Variants in CCDC93 observed in about 807,000 individuals in gnomAD.
CCDC93 encodes the protein CCC complex scaffolding subunit CCDC93, also known as coiled-coil domain-containing protein 93.
A neutral mutation model predicts 108.2 loss-of-function variants in CCDC93; 61 were observed. That is an observed-to-expected ratio of 0.56 (90% CI 0.46 to 0.70). CCDC93 has a LOEUF of 0.70. CCDC93 is among the 30% of genes least tolerant of loss of function. The pLI is 0.00. For synonymous variants in CCDC93, 276 were observed against 260.4 expected (o/e 1.06, Z -0.58); for missense variants, 685 against 764.2 (o/e 0.90, Z 1.22).
intron 23 of CCDC93, among the ~76,000 whole-genome samples, chr2:117,929,597 A>G (rs757410141): frequency 3.3e-5 from 5 of 152,244 alleles, no homozygotes; most frequent in Non-Finnish European, 7.3e-5. Context: ...TACACTGTCA[A>G]AAGGGTGTCT....
intron 22 of CCDC93, 70 bp downstream of exon 22, chr2:117,935,425 T>C (rs1678490597): frequency 1.6e-6 from 2 of 1,214,872 alleles, no homozygotes; most frequent in Non-Finnish European, 2.4e-6. Flanking sequence ...GAAGAGGCCT[T>C]TTCTTCCCAG....
At chr2:118,012,591 A>G (rs1677049812) in intron 1 of CCDC93, 1 of 152,298 alleles carries the variant, frequency 6.6e-6, no homozygotes, top group African/African-American at 2.4e-5. Context: ...AGGCCAGGCA[A>G]AAACTTGATG....
chr2:117,995,284 G>A (rs1260208658), intron 6 of CCDC93, 162 bp downstream of exon 6: 8 of 669,214 alleles, frequency 1.2e-5, no homozygotes, highest in Admixed American at 9.6e-5. Flanking sequence ...TCCTGGCCCT[G>A]AGCAGTAAAG....
intron 11 of CCDC93, among the ~76,000 whole-genome samples, chr2:117,973,161 A>C (rs369481014): frequency 6.6e-6 from 1 of 152,092 alleles, no homozygotes; most frequent in Non-Finnish European, 1.5e-5. Context: ...CTTCAGAAGA[A>C]TATGTCACAG....
chr2:117,963,362 C>T (rs1679455744), intron 11 of CCDC93, among the ~76,000 whole-genome samples: 1 of 152,160 alleles, frequency 6.6e-6, no homozygotes. Flanking sequence ...ACAGCTCTTC[C>T]ACCTGTCCTT....
At chr2:117,965,858 G>A (rs1387819968) in intron 11 of CCDC93, among the ~76,000 whole-genome samples, 2 of 151,900 alleles carry the variant, frequency 1.3e-5, no homozygotes, top group African/African-American at 4.8e-5. Context: ...CAGTGATTAT[G>A]AGGTCAATTC....
In CCDC93 at chr2:117,920,283, G is replaced by A. The variant is rs1255985975; in HGVS notation, c.*60C>T. 4.5e-6 allele frequency: 5 copies of A among 1,107,634 alleles called. No homozygotes were observed. In the Admixed American group the frequency reaches 7.2e-5, roughly 16 times the overall value. 68.6% of individuals were successfully genotyped at this position (1,107,634 alleles called of 1,614,324 possible). ...GCTTTCAGAACCATTTCATGATCTT[G>A]TAGGTGATATACGGTGCTTAAAAGT... On this transcript the variant is annotated 3_prime_UTR_variant, in exon 24 of 24. Transcript: ENST00000376300.
intron 1 of CCDC93, among the ~76,000 whole-genome samples, chr2:118,010,102 C>T (rs1039021630): frequency 3.1e-5 from 3 of 97,760 alleles, no homozygotes; most frequent in Non-Finnish European, 6.8e-5. Flanking sequence ...CCACCACGCC[C>T]GTTTTTTTGT....
intron 18 of CCDC93, among the ~76,000 whole-genome samples, chr2:117,941,584 C>T (rs1269249369): frequency 6.6e-6 from 1 of 152,082 alleles, no homozygotes; most frequent in African/African-American, 2.4e-5. Flanking sequence ...ATGGACAGAG[C>T]CGGCAGCTAC....
At chr2:118,013,599 G>GA (rs1014823467) in intron 1 of CCDC93, among the ~76,000 whole-genome samples, 1 of 152,232 alleles carries the variant, frequency 6.6e-6, no homozygotes, top group African/African-American at 2.4e-5. Context: ...CTCGGGGCTA[G>GA]CCCTGCGGCG....
chr2:118,008,672 T>C lies in CCDC93; in HGVS notation c.43-14A>G. 2 of 1,556,460 alleles carry C rather than the reference T, an allele frequency of 1.3e-6. No individual in the cohort carries two copies. Among genetic ancestry groups the C allele is most frequent in the Non-Finnish European group, 1.8e-6 (2 of 1,129,496 alleles). Reference sequence around the variant, plus strand: ...TCTTGTTTCCACCTAAAATAAAAGGTAAAACTTTGGCTGGTAAAAGATATG... The same window carrying C: ...TCTTGTTTCCACCTAAAATAAAAGGCAAAACTTTGGCTGGTAAAAGATATG... On this transcript the variant is annotated splice_polypyrimidine_tract_variant and intron_variant, in intron 1 of 23. Coordinates refer to ENST00000376300, the MANE Select transcript of CCDC93 (RefSeq NM_019044.5).
chr2:117,923,309 G>C (rs1195554919), intron 23 of CCDC93, among the ~76,000 whole-genome samples: 1 of 152,178 alleles, frequency 6.6e-6, no homozygotes, highest in African/African-American at 2.4e-5. Context: ...AGCCGAGGCA[G>C]GGTGAGGCAT....
chr2:117,936,749 TA>T lies in CCDC93; in HGVS notation c.1606-11del, dbSNP rs779925864. The stretch of plus-strand genomic sequence containing the variant: ...AGTTCAGCAGACTAATCTGGGGAAG[TA>T]AAAAAACAAACGAAATTATAAGACA... On this transcript the variant is annotated splice_polypyrimidine_tract_variant and intron_variant, in intron 20 of 23. Transcript: ENST00000376300. 1.2e-6 allele frequency: 2 copies of T among 1,611,782 alleles called. No homozygotes were observed. Among genetic ancestry groups the T allele is most frequent in the Admixed American group, 1.7e-5 (1 of 59,978 alleles).
chr2:117,959,151 A>G (rs1679311795), intron 11 of CCDC93, among the ~76,000 whole-genome samples: 1 of 152,234 alleles, frequency 6.6e-6, no homozygotes, highest in Non-Finnish European at 1.5e-5. Flanking sequence ...GGTGAATGTG[A>G]TAACATTTTC....
intron 3 of CCDC93, among the ~76,000 whole-genome samples, chr2:118,003,341 T>C (rs913985357): frequency 6.6e-6 from 1 of 152,204 alleles, no homozygotes; most frequent in African/African-American, 2.4e-5. Flanking sequence ...TTAATTTCCT[T>C]GAAACTTGTA....
At position 117,978,514 on chromosome 2, in the gene CCDC93, A is replaced by T. The variant is rs188051050; in HGVS notation, c.621-484T>A. Among the ~76,000 whole-genome samples, 366 of 152,052 alleles carry T rather than the reference A, an allele frequency of 2.4e-3. 1 individual carries two copies. Among genetic ancestry groups the T allele is most frequent in the African/African-American group, 8.2e-3 (340 of 41,516 alleles). On this transcript the variant is annotated intron_variant, in intron 7 of 23. Transcript: ENST00000376300. ...TACTCACTTCACACAACCTTAAATTAAAAAAAACACAAAAACACAATTCAG... is the reference window on the plus strand; with the variant it reads ...TACTCACTTCACACAACCTTAAATTTAAAAAAACACAAAAACACAATTCAG...
At chr2:118,009,286 G>A (rs1676960974) in intron 1 of CCDC93, among the ~76,000 whole-genome samples, 2 of 151,964 alleles carry the variant, frequency 1.3e-5, no homozygotes, top group South Asian at 4.1e-4. Flanking sequence ...CACAAGAATC[G>A]CTTGAACCCA....
chr2:117,972,278 C>G (rs929264774), intron 11 of CCDC93, among the ~76,000 whole-genome samples: 1 of 152,140 alleles, frequency 6.6e-6, no homozygotes, highest in African/African-American at 2.4e-5. Flanking sequence ...TCACTCTTTT[C>G]TAGAAGAATG....
intron 11 of CCDC93, among the ~76,000 whole-genome samples, chr2:117,966,825 A>G (rs540620349): frequency 6.6e-6 from 1 of 152,376 alleles, no homozygotes; most frequent in African/African-American, 2.4e-5. Context: ...CAGAATCAAA[A>G]GGTCAGAGGC....
Sources: gnomAD v4.1 joint callset for allele counts (sites outside exome capture counted in the v4.1 genomes callset) on GRCh38, gnomAD v4.1.1 for gene constraint, MANE v1.5 for transcripts, NCBI Gene and HGNC (gene_info 2026-07-23, HGNC 2026-07-21) for gene names.